PTPRG: variants seen among roughly 807,000 people sequenced by gnomAD.
PTPRG encodes the protein protein tyrosine phosphatase receptor type G.
In PTPRG, 102 loss-of-function variants were observed where a neutral mutation model predicts 165.3. That is an observed-to-expected ratio of 0.62 (90% CI 0.53 to 0.73). The LOEUF (loss-of-function observed/expected upper bound fraction) is 0.73. Ranked by LOEUF, PTPRG falls within the 30% of genes least tolerant of loss-of-function variation. The pLI, the probability that PTPRG is intolerant of heterozygous loss-of-function variation, is 0.00. For missense variants in PTPRG, 1,866 were observed against 1,861.4 expected, an observed-to-expected ratio of 1.00 and a Z score of -0.05; for synonymous variants, 675 against 669.5, an observed-to-expected ratio of 1.01 and a Z score of -0.13.
intron 8 of PTPRG, among the ~76,000 whole-genome samples, chr3:62,179,605 T>A (rs1705571173): frequency 6.6e-6 from 1 of 152,218 alleles, no homozygotes; most frequent in African/African-American, 2.4e-5. Flanking sequence ...TGGACCTATT[T>A]GCCAGGGGCA....
At chr3:61,998,655 C>A (rs549064497) in intron 3 of PTPRG, among the ~76,000 whole-genome samples, 4 of 152,322 alleles carry the variant, frequency 2.6e-5, no homozygotes, top group Admixed American at 2.0e-4. Flanking sequence ...ACCTCCAGAG[C>A]CCATAGGTAG....
At chr3:61,813,374 G>T (rs967989498) in intron 2 of PTPRG, among the ~76,000 whole-genome samples, 1 of 150,202 alleles carries the variant, frequency 6.7e-6, no homozygotes, top group Admixed American at 6.6e-5. Flanking sequence ...AATTAGTTGG[G>T]TGTGGTGACA....
At chr3:61,967,105 A>G (rs2040289085) in intron 2 of PTPRG, among the ~76,000 whole-genome samples, 1 of 152,218 alleles carries the variant, frequency 6.6e-6, no homozygotes, top group Admixed American at 6.5e-5. Context: ...GCTCAAGGAA[A>G]ACTTCTTGAA....
intron 10 of PTPRG, among the ~76,000 whole-genome samples, chr3:62,198,776 T>C (rs1700029447): frequency 6.6e-6 from 1 of 152,232 alleles, no homozygotes; most frequent in African/African-American, 2.4e-5. Context: ...CTACAACAAC[T>C]CTAAGGCAGT....
intron 5 of PTPRG, among the ~76,000 whole-genome samples, chr3:62,107,230 G>A (rs370675033): frequency 6.6e-6 from 1 of 152,296 alleles, no homozygotes; most frequent in South Asian, 2.1e-4. Context: ...CATCATGGGA[G>A]CCAACTGTTC....
At chr3:62,174,551 T>C (rs1705342412) in intron 8 of PTPRG, among the ~76,000 whole-genome samples, 2 of 152,218 alleles carry the variant, frequency 1.3e-5, no homozygotes, top group South Asian at 4.1e-4. Flanking sequence ...CGTGCAAGGA[T>C]GCCTGAGTAA....
In PTPRG at chr3:61,989,595, G is replaced by A. The variant is rs761436095; in HGVS notation, c.191-30G>A. 3.1e-6 allele frequency: 5 copies of A among 1,600,910 alleles called. No individual in the cohort carries two copies. In the East Asian group the frequency reaches 8.9e-5, roughly 29 times the overall value. ...ATTTCATCCCTGACCCTTGAACCATGAGGATTGAAGTGTTGTCTTCTTTCA... is the reference window on the plus strand; with the variant it reads ...ATTTCATCCCTGACCCTTGAACCATAAGGATTGAAGTGTTGTCTTCTTTCA... On this transcript the variant is annotated intron_variant, in intron 2 of 29. Coordinates refer to ENST00000474889, the MANE Select transcript of PTPRG (RefSeq NM_002841.4).
intron 2 of PTPRG, among the ~76,000 whole-genome samples, chr3:61,767,499 G>T (rs1055086063): frequency 7.9e-5 from 12 of 152,246 alleles, no homozygotes; most frequent in African/African-American, 2.4e-4. Flanking sequence ...TGTTTTACAG[G>T]ATATTAAATG....
chr3:61,837,418 G>A (rs1339592754), intron 2 of PTPRG, among the ~76,000 whole-genome samples: 2 of 152,162 alleles, frequency 1.3e-5, no homozygotes, highest in Non-Finnish European at 2.9e-5. Flanking sequence ...CTAAAATGTG[G>A]GATACAGTAA....
chr3:61,738,841 C>A (rs1044289053), intron 1 of PTPRG, among the ~76,000 whole-genome samples: 15 of 152,044 alleles, frequency 9.9e-5, no homozygotes, highest in Non-Finnish European at 1.6e-4. Context: ...GTGGTGCCAT[C>A]ACGGCTCATG....
intron 1 of PTPRG, among the ~76,000 whole-genome samples, chr3:61,735,202 C>T (rs180997887): frequency 2.0e-4 from 31 of 152,184 alleles, no homozygotes; most frequent in East Asian, 1.5e-3. Flanking sequence ...TGTGCTCTAG[C>T]GAAAATTTTT....
chr3:62,195,222 A>G lies in PTPRG; in HGVS notation c.1327+52A>G, dbSNP rs1177703098. ...CGGGGTGCCCCTGAGACTCCCTCCC[A>G]ATGCTTTCTGCTTCTTCCTGCTCAG... On this transcript the variant is annotated intron_variant, in intron 10 of 29. Transcript: ENST00000474889. The surrounding 1 kb of genome is among the most constrained non-coding windows in gnomAD (Gnocchi z 4.4). 6.8e-7 allele frequency: 1 copy of G among 1,466,304 alleles called. No individual in the cohort carries two copies. Among genetic ancestry groups the G allele is most frequent in the Non-Finnish European group, 9.6e-7 (1 of 1,046,094 alleles). The allele number at this position is 1,466,304 out of a possible 1,614,324, so 90.8% of individuals were successfully genotyped here.
chr3:61,666,166 G>A (rs968216696), intron 1 of PTPRG, among the ~76,000 whole-genome samples: 6 of 152,148 alleles, frequency 3.9e-5, no homozygotes, highest in East Asian at 1.9e-4. Flanking sequence ...CCAGATGCTC[G>A]ATAAAAACCT....
intron 2 of PTPRG, among the ~76,000 whole-genome samples, chr3:61,799,451 A>G (rs9847419): frequency 0.46 from 69,442 of 151,898 alleles, 16,109 homozygotes; most frequent in South Asian, 0.62. Context: ...TCTAGTCATC[A>G]TGTCTCTTTA....
intron 8 of PTPRG, among the ~76,000 whole-genome samples, chr3:62,189,880 C>T (rs917317258): frequency 6.6e-6 from 1 of 152,208 alleles, no homozygotes; most frequent in Admixed American, 6.5e-5. Context: ...TACACCTGTG[C>T]CCTGCCTGCC....
intron 2 of PTPRG, among the ~76,000 whole-genome samples, chr3:61,799,091 G>T (rs2035153626): frequency 6.6e-6 from 1 of 151,972 alleles, no homozygotes; most frequent in Non-Finnish European, 1.5e-5. Context: ...ATAGTGTTAT[G>T]AAATACTATT....
chr3:61,886,973 T>G (rs562062725), intron 2 of PTPRG, among the ~76,000 whole-genome samples: 1 of 151,266 alleles, frequency 6.6e-6, no homozygotes, highest in Non-Finnish European at 1.5e-5. Flanking sequence ...ACAGTGTTCA[T>G]GGACGATCAA....
chr3:61,702,848 A>C (rs956860620), intron 1 of PTPRG, among the ~76,000 whole-genome samples: 12 of 152,354 alleles, frequency 7.9e-5, no homozygotes, highest in African/African-American at 2.9e-4. Context: ...TGATTATACA[A>C]CTATACAACA....
At chr3:62,279,727 CAATAA>C (rs1376712698) in intron 26 of PTPRG, among the ~76,000 whole-genome samples, 2 of 152,002 alleles carry the variant, frequency 1.3e-5, no homozygotes, top group Admixed American at 1.3e-4. Context: ...ATGTACTTGG[CAATAA>C]GCTATATTGA....
Sources: allele counts gnomAD v4.1 joint callset (sites outside exome capture counted in the v4.1 genomes callset), GRCh38; gene constraint gnomAD v4.1.1; non-coding constraint Gnocchi (gnomAD v3.1); transcripts MANE v1.5; gene names NCBI Gene and HGNC (gene_info 2026-07-23, HGNC 2026-07-21).